Variants in AFG1L observed in about 807,000 individuals in gnomAD.
AFG1L encodes the protein AFG1-like ATPase.
Under a neutral mutation model 62.2 loss-of-function variants are expected in AFG1L, and 53 were observed. That is an observed-to-expected ratio of 0.85 (90% CI 0.68 to 1.07). The LOEUF (loss-of-function observed/expected upper bound fraction) is 1.07, where lower values mean the gene tolerates loss of function less well. Among genes scored for constraint, AFG1L ranks in the 50% least tolerant of loss-of-function variants. AFG1L has a pLI of 0.00. For missense variants in AFG1L, 555 were observed against 590.5 expected (o/e 0.94, Z 0.62); for synonymous variants, 228 against 210.3 (o/e 1.08, Z -0.73).
At chr6:108,418,299 C>T (rs1181766571) in intron 7 of AFG1L, among the ~76,000 whole-genome samples, 1 of 152,128 alleles carries the variant, frequency 6.6e-6, no homozygotes, top group Non-Finnish European at 1.5e-5. Flanking sequence ...ATTTTATGCT[C>T]ATATATTTAT....
intron 6 of AFG1L, among the ~76,000 whole-genome samples, chr6:108,390,929 G>A (rs1781028815): frequency 6.6e-6 from 1 of 152,132 alleles, no homozygotes; most frequent in African/African-American, 2.4e-5. Flanking sequence ...CTTCTGCGTC[G>A]CTCACGCTGG....
At chr6:108,368,142 T>C (rs1237623545) in intron 6 of AFG1L, among the ~76,000 whole-genome samples, 3 of 152,128 alleles carry the variant, frequency 2.0e-5, no homozygotes, top group Non-Finnish European at 4.4e-5. Flanking sequence ...TGATTTTTAT[T>C]GAAGTATTTT....
At chr6:108,499,410 T>G (rs1365651861) in intron 10 of AFG1L, among the ~76,000 whole-genome samples, 2 of 151,850 alleles carry the variant, frequency 1.3e-5, no homozygotes, top group Non-Finnish European at 2.9e-5. Flanking sequence ...ATACTTGAAA[T>G]GGGATAAATG....
At chr6:108,347,755 A>G (rs1361051070) in intron 3 of AFG1L, among the ~76,000 whole-genome samples, 3 of 152,172 alleles carry the variant, frequency 2.0e-5, no homozygotes, top group Non-Finnish European at 4.4e-5. Context: ...CACTGATATC[A>G]TGAAGGAGTT....
At chr6:108,334,559 CAAAT>C (rs949327012) in intron 2 of AFG1L, among the ~76,000 whole-genome samples, 1 of 64,742 alleles carries the variant, frequency 1.5e-5, no homozygotes, top group Admixed American at 1.9e-4. Flanking sequence ...AAAAAAAAAA[CAAAT>C]AGACTGTGGA....
intron 8 of AFG1L, among the ~76,000 whole-genome samples, chr6:108,452,612 G>A (rs748892362): frequency 2.6e-5 from 4 of 152,132 alleles, no homozygotes; most frequent in Non-Finnish European, 5.9e-5. Flanking sequence ...CCCCACTTAC[G>A]AGCCTAAACC....
At chr6:108,451,904 G>A (rs933367307) in intron 8 of AFG1L, among the ~76,000 whole-genome samples, 2 of 152,044 alleles carry the variant, frequency 1.3e-5, no homozygotes, top group Admixed American at 6.6e-5. Context: ...TAGTGGAGAC[G>A]GGGTTTTGCC....
intron 1 of AFG1L, among the ~76,000 whole-genome samples, chr6:108,319,440 A>AT (rs1562471971): frequency 2.9e-4 from 44 of 150,272 alleles, no homozygotes; most frequent in South Asian, 4.2e-4. Context: ...GCTAATTAAA[A>AT]ATTTTTTTTT....
At chr6:108,342,595 AC>A (rs1562095813) in intron 2 of AFG1L, among the ~76,000 whole-genome samples, 1 of 152,148 alleles carries the variant, frequency 6.6e-6, no homozygotes, top group Non-Finnish European at 1.5e-5. Context: ...GATTAGTCTT[AC>A]TGTTCTCCAT....
intron 8 of AFG1L, among the ~76,000 whole-genome samples, chr6:108,462,401 C>CTG: frequency 6.6e-6 from 1 of 151,382 alleles, no homozygotes; most frequent in African/African-American, 2.4e-5. Context: ...GAGACCTTGT[C>CTG]TCAAAAAACA....
At chr6:108,414,749 C>T (rs1782281486) in intron 7 of AFG1L, among the ~76,000 whole-genome samples, 1 of 152,122 alleles carries the variant, frequency 6.6e-6, no homozygotes, top group African/African-American at 2.4e-5. Flanking sequence ...TCTCAATAAA[C>T]TAGGTATTGA....
At chr6:108,349,043 ATGGGATGTTCATATAGTT>A (rs1302111964) in intron 3 of AFG1L, among the ~76,000 whole-genome samples, 1 of 152,228 alleles carries the variant, frequency 6.6e-6, no homozygotes, top group Non-Finnish European at 1.5e-5. Context: ...ATGTGATAGT[ATGGGATGTTCATATAGTT>A]TGGGTAGGTG....
chr6:108,517,260 A>G (rs1428232139), intron 11 of AFG1L, among the ~76,000 whole-genome samples: 2 of 152,200 alleles, frequency 1.3e-5, no homozygotes, highest in African/African-American at 4.8e-5. Flanking sequence ...CTATACTACA[A>G]GGCTGCAGTA....
In AFG1L at chr6:108,476,920, C is replaced by G; in HGVS notation, c.946C>G (p.Gln316Glu). The G allele has an allele frequency of 6.2e-7, 1 of 1,613,654 alleles. No individual in the cohort carries two copies. Residue 316 changes from glutamine (Q) to glutamate (E), a missense_variant, in exon 9 of 13, where the codon CAG (glutamine) becomes GAG (glutamate). Coordinates refer to ENST00000368977, the MANE Select transcript of AFG1L (RefSeq NM_145315.5). Reference sequence around the variant, plus strand: ...GGATAAGTTGTTTGATGAGCTGGCTCAGAAACAAAATGATTGTACGTAAGT... The same window carrying G: ...GGATAAGTTGTTTGATGAGCTGGCTGAGAAACAAAATGATTGTACGTAAGT... The part of the protein sequence containing the change: ...VMDKLFDELA[Q>E]KQNDLTRPRI...
intron 5 of AFG1L, 142 bp from the exon 6 acceptor site, chr6:108,366,087 TTTAA>T (rs1223611509): frequency 1.8e-6 from 1 of 551,046 alleles, no homozygotes; most frequent in African/African-American, 1.9e-5. Flanking sequence ...GTTTCATGCT[TTTAA>T]TTATCTACTC....
intron 2 of AFG1L, among the ~76,000 whole-genome samples, chr6:108,337,995 G>A (rs970302098): frequency 1.3e-5 from 2 of 152,152 alleles, no homozygotes; most frequent in Non-Finnish European, 2.9e-5. Context: ...AAACCAGCTT[G>A]TGCAACATAG....
chr6:108,374,756 G>A (rs1462766410), intron 6 of AFG1L, among the ~76,000 whole-genome samples: 1 of 152,030 alleles, frequency 6.6e-6, no homozygotes, highest in African/African-American at 2.4e-5. Context: ...GTTTGAAGTT[G>A]GTTAATGTGA....
rs763933413 is a variant in AFG1L, at chr6:108,346,999, G to A, written c.375G>A (p.Arg125=). ...TTCTTAATTTGCAGCTTTTTTCAAG[G>A]AGCAAACCTCCAAGGGGCCTGTATG... is the stretch of plus-strand genomic sequence containing the variant. The part of the protein sequence containing the change: ...AEGLFSKLFS[R]SKPPRGLYVY... Residue 125 remains arginine (R), a synonymous_variant, in exon 3 of 13, where the codon AGG becomes AGA. Transcript: ENST00000368977. 6.2e-7 allele frequency: 1 copy of A among 1,613,114 alleles called. No homozygotes were observed. Among genetic ancestry groups the A allele is most frequent in the Non-Finnish European group, 8.5e-7 (1 of 1,179,388 alleles).
At chr6:108,494,432 C>T (rs1773893531) in intron 10 of AFG1L, among the ~76,000 whole-genome samples, 1 of 126,162 alleles carries the variant, frequency 7.9e-6, no homozygotes, top group Non-Finnish European at 1.5e-5. Flanking sequence ...GCAAAATATG[C>T]CCCCCCCACC....
Sources: allele counts gnomAD v4.1 joint callset (sites outside exome capture counted in the v4.1 genomes callset), GRCh38; gene constraint gnomAD v4.1.1; transcripts MANE v1.5; gene names NCBI Gene and HGNC (gene_info 2026-07-23, HGNC 2026-07-21).